The following LRRC4C variants were observed in gnomAD, a reference collection of about 807,000 sequenced individuals.
LRRC4C encodes leucine rich repeat containing 4C.
A neutral mutation model predicts 33.6 loss-of-function variants in LRRC4C; 5 were observed. The observed-to-expected ratio is 0.15, with a 90% CI of 0.08 to 0.31. LRRC4C has a LOEUF of 0.31. Ranked by LOEUF, LRRC4C falls within the 10% of genes least tolerant of loss-of-function variation. The pLI, the probability that LRRC4C is intolerant of heterozygous loss-of-function variation, is 1.00. For synonymous variants in LRRC4C, 329 were observed against 302.0 expected, an observed-to-expected ratio of 1.09 and a Z score of -0.93; for missense variants, 560 against 796.7, an observed-to-expected ratio of 0.70 and a Z score of 3.58.
chr11:41,073,686 C>A (rs1938889150), intron 1 of LRRC4C, among the ~76,000 whole-genome samples: 4 of 152,172 alleles, frequency 2.6e-5, no homozygotes, highest in Admixed American at 2.6e-4. Context: ...TAAATGCAAG[C>A]TTATATTGGT....
At chr11:41,154,020 A>T (rs1056185447) in intron 1 of LRRC4C, among the ~76,000 whole-genome samples, 1 of 152,154 alleles carries the variant, frequency 6.6e-6, no homozygotes, top group Admixed American at 6.5e-5. Context: ...CGCTGTAAGG[A>T]ATATATTGTC....
At position 40,652,072 on chromosome 11, in the gene LRRC4C, G is replaced by A. The variant is rs78718152; in HGVS notation, c.-406-3794C>T. On this transcript the variant is annotated intron_variant, in intron 2 of 6. Coordinates refer to ENST00000528697, the MANE Select transcript of LRRC4C (RefSeq NM_001258419.2). The stretch of plus-strand genomic sequence containing the variant: ...TTGAATATTTTACAGAAAAGGCTTA[G>A]CAGGGTCTCATTACTTTCCTGAAAG... Among the ~76,000 whole-genome samples, 226 of 152,232 alleles carry A rather than the reference G, an allele frequency of 1.5e-3. 2 individuals carry two copies. The highest frequency in any genetic ancestry group is 5.3e-3 in the African/African-American group (219 of 41,528).
At chr11:41,381,845 GCT>G (rs759355254) in intron 1 of LRRC4C, among the ~76,000 whole-genome samples, 5 of 150,756 alleles carry the variant, frequency 3.3e-5, no homozygotes, top group African/African-American at 1.2e-4. Flanking sequence ...TCTCTCTTTG[GCT>G]CTCTCTATCT....
intron 2 of LRRC4C, among the ~76,000 whole-genome samples, chr11:40,845,419 T>A (rs1460992292): frequency 6.6e-6 from 1 of 152,066 alleles, no homozygotes; most frequent in Non-Finnish European, 1.5e-5. Flanking sequence ...GGCCAGAACT[T>A]CCAATGCGGA....
intron 3 of LRRC4C, among the ~76,000 whole-genome samples, chr11:40,352,101 T>C (rs1037560549): frequency 3.3e-5 from 4 of 121,758 alleles, no homozygotes; most frequent in Non-Finnish European, 7.3e-5. Flanking sequence ...CTTCCTTTTT[T>C]CCTTTCTTTC....
At chr11:40,440,264 C>T (rs563104465) in intron 3 of LRRC4C, among the ~76,000 whole-genome samples, 26 of 148,980 alleles carry the variant, frequency 1.7e-4, no homozygotes, top group South Asian at 6.4e-4. Context: ...ATCTGTGTGA[C>T]TCTTAAATGA....
intron 3 of LRRC4C, among the ~76,000 whole-genome samples, chr11:40,370,379 G>T (rs774103441): frequency 6.6e-6 from 1 of 152,166 alleles, no homozygotes; most frequent in Non-Finnish European, 1.5e-5. Flanking sequence ...TCCTCAGTAG[G>T]ATTAATGATC....
intron 1 of LRRC4C, among the ~76,000 whole-genome samples, chr11:41,438,446 C>T (rs1955511533): frequency 1.3e-5 from 2 of 152,046 alleles, no homozygotes; most frequent in African/African-American, 4.8e-5. Flanking sequence ...GAGATGGTGA[C>T]CTTGTAGAAA....
chr11:41,065,225 G>T (rs1245343202), intron 1 of LRRC4C, among the ~76,000 whole-genome samples: 2 of 152,100 alleles, frequency 1.3e-5, no homozygotes, highest in Non-Finnish European at 2.9e-5. Flanking sequence ...GGGGAGGGGA[G>T]ACCGCCATTA....
intron 3 of LRRC4C, chr11:40,447,111 C>A: frequency 5.7e-6 from 1 of 176,468 alleles, no homozygotes; most frequent in South Asian, 1.6e-4. Flanking sequence ...TCCTTCCACT[C>A]CTCCCAGGTG....
intron 2 of LRRC4C, among the ~76,000 whole-genome samples, chr11:40,846,263 T>C (rs535839567): frequency 3.9e-5 from 6 of 152,322 alleles, no homozygotes; most frequent in African/African-American, 9.6e-5. Context: ...CATGCCTATG[T>C]CCTGAATGGT....
At chr11:40,280,220 G>A (rs1943378376) in intron 4 of LRRC4C, among the ~76,000 whole-genome samples, 1 of 152,166 alleles carries the variant, frequency 6.6e-6, no homozygotes, top group South Asian at 2.1e-4. Flanking sequence ...ACCTTACAAT[G>A]AACAGTAGAC....
Position 40,969,257 on chromosome 11 carries a change from T to C in LRRC4C, c.-495-35534A>G, listed in dbSNP as rs182843213. Among the ~76,000 whole-genome samples the C allele has an allele frequency of 1.6e-3, 230 of 147,432 alleles. 2 individuals are homozygous for C. The highest frequency in any genetic ancestry group is 5.6e-3 in the African/African-American group (226 of 40,470). On this transcript the variant is annotated intron_variant, in intron 1 of 6. Coordinates refer to ENST00000528697, the MANE Select transcript of LRRC4C (RefSeq NM_001258419.2). ...AATTGTTGCACTCTTGTGATAAAATTTGAATGGTTAGGGAGTTGTTTCTTA... is the reference window on the plus strand; with the variant it reads ...AATTGTTGCACTCTTGTGATAAAATCTGAATGGTTAGGGAGTTGTTTCTTA...
intron 2 of LRRC4C, among the ~76,000 whole-genome samples, chr11:40,724,471 C>T (rs1231920939): frequency 6.6e-6 from 1 of 152,118 alleles, no homozygotes; most frequent in Admixed American, 6.5e-5. Flanking sequence ...AACCACACAA[C>T]TGCATGAAAT....
chr11:40,820,825 C>G (rs570398511), intron 2 of LRRC4C, among the ~76,000 whole-genome samples: 2 of 151,482 alleles, frequency 1.3e-5, no homozygotes, highest in Admixed American at 6.6e-5. Context: ...TGTAGTCAGA[C>G]AAATAAATAA....
chr11:41,192,982 A>G (rs1946026568), intron 1 of LRRC4C, among the ~76,000 whole-genome samples: 1 of 152,082 alleles, frequency 6.6e-6, no homozygotes, highest in African/African-American at 2.4e-5. Context: ...CTCTGGAAAA[A>G]AATGCCACAA....
At chr11:40,661,710 A>G (rs1943447448) in intron 2 of LRRC4C, among the ~76,000 whole-genome samples, 1 of 152,242 alleles carries the variant, frequency 6.6e-6, no homozygotes, top group African/African-American at 2.4e-5. Flanking sequence ...TGTTCCATTA[A>G]TGGTAGCTAT....
intron 1 of LRRC4C, among the ~76,000 whole-genome samples, chr11:41,158,408 A>G (rs1944325704): frequency 6.6e-6 from 1 of 152,268 alleles, no homozygotes; most frequent in East Asian, 1.9e-4. Context: ...GACAAATAAA[A>G]GGGAGGTAGA....
chr11:40,863,949 C>A (rs1022473710), intron 2 of LRRC4C, among the ~76,000 whole-genome samples: 88 of 151,756 alleles, frequency 5.8e-4, no homozygotes, highest in Admixed American at 5.6e-3. Context: ...CTTTTTTCAT[C>A]AAAAAATCTT....
Sources: allele counts gnomAD v4.1 joint callset (sites outside exome capture counted in the v4.1 genomes callset), GRCh38; gene constraint gnomAD v4.1.1; transcripts MANE v1.5; gene names NCBI Gene and HGNC (gene_info 2026-07-23, HGNC 2026-07-21).